NIPBL: variants seen among roughly 807,000 people sequenced by gnomAD.
NIPBL encodes the protein nipped-B-like protein.
A neutral mutation model predicts 321.8 loss-of-function variants in NIPBL; 19 were observed. That is an observed-to-expected ratio of 0.06 (90% CI 0.04 to 0.09). The LOEUF (loss-of-function observed/expected upper bound fraction) is 0.09. Ranked by LOEUF, NIPBL falls within the 10% of genes least tolerant of loss-of-function variation. NIPBL has a pLI of 1.00. For missense variants in NIPBL, 2,210 were observed against 3,327.0 expected (o/e 0.66, Z 8.26); for synonymous variants, 1,106 against 1,114.1 (o/e 0.99, Z 0.14).
At chr5:36,960,804 A>G (rs1741529920) in intron 4 of NIPBL, among the ~76,000 whole-genome samples, 2 of 152,212 alleles carry the variant, frequency 1.3e-5, no homozygotes, top group Non-Finnish European at 2.9e-5. Context: ...ATGAAATGTC[A>G]TGTGAATAAT....
chr5:36,975,692 ATTG>A, intron 8 of NIPBL, 81 bp from the exon 9 acceptor site: 1 of 1,262,594 alleles, frequency 7.9e-7, no homozygotes, highest in South Asian at 1.3e-5. Flanking sequence ...GTATTACTAT[ATTG>A]TCACTTATTA....
At chr5:36,927,857 A>G (rs1749482496) in intron 1 of NIPBL, among the ~76,000 whole-genome samples, 1 of 152,216 alleles carries the variant, frequency 6.6e-6, no homozygotes, top group Non-Finnish European at 1.5e-5. Flanking sequence ...CCAAGGGAGA[A>G]TAAAGTGGTA....
chr5:37,004,068 T>C (rs1747135703), intron 16 of NIPBL, among the ~76,000 whole-genome samples: 2 of 152,318 alleles, frequency 1.3e-5, no homozygotes, highest in Admixed American at 1.3e-4. Flanking sequence ...TATACCGTTT[T>C]TATACCTACC....
intron 32 of NIPBL, 27 bp downstream of exon 32, chr5:37,027,439 C>T (rs1464813285): frequency 1.9e-6 from 3 of 1,584,772 alleles, no homozygotes; most frequent in Non-Finnish European, 2.6e-6. Flanking sequence ...CTCCTGATAA[C>T]CTAAAATTTA....
At chr5:36,993,775 T>G (rs953112915) in intron 10 of NIPBL, among the ~76,000 whole-genome samples, 1 of 152,114 alleles carries the variant, frequency 6.6e-6, no homozygotes, top group Non-Finnish European at 1.5e-5. Flanking sequence ...AAAAAAAATT[T>G]GTATTCTTAG....
chr5:36,958,907 G>A (rs1741283526), intron 4 of NIPBL, among the ~76,000 whole-genome samples: 2 of 152,084 alleles, frequency 1.3e-5, no homozygotes, highest in Admixed American at 1.3e-4. Context: ...TTAAATAATT[G>A]TATTTAAGAA....
chr5:36,890,155 T>A (rs1376006048), intron 1 of NIPBL, among the ~76,000 whole-genome samples: 1 of 152,194 alleles, frequency 6.6e-6, no homozygotes, highest in Non-Finnish European at 1.5e-5. Flanking sequence ...TGTCAGTGGA[T>A]GAACCATAAT....
intron 1 of NIPBL, among the ~76,000 whole-genome samples, chr5:36,942,041 G>T (rs1739116764): frequency 6.6e-6 from 1 of 152,222 alleles, no homozygotes; most frequent in South Asian, 2.1e-4. Flanking sequence ...TCCATTGATA[G>T]CTTCTTTTTC....
intron 11 of NIPBL, among the ~76,000 whole-genome samples, chr5:36,998,420 T>G (rs1478416441): frequency 5.3e-5 from 8 of 152,300 alleles, no homozygotes; most frequent in East Asian, 1.9e-4. Context: ...TATAAGATTC[T>G]TCAAGCATTT....
In NIPBL at chr5:37,065,025, G is replaced by A; in HGVS notation, c.*133G>A. 1 of 1,051,862 alleles carries A rather than the reference G, an allele frequency of 9.5e-7. No homozygotes were observed. The highest frequency in any genetic ancestry group is 1.4e-6 in the Non-Finnish European group (1 of 712,182). The allele number at this position is 1,051,862 out of a possible 1,614,324, so 65.2% of individuals were successfully genotyped here. A position where few individuals can be genotyped will look rare whatever the true frequency, so the allele number is the denominator to read the frequency against. On this transcript the variant is annotated 3_prime_UTR_variant, in exon 47 of 47. Transcript: ENST00000282516. ...AACCTGGGATGCAGGAACAAAAGAA[G>A]GAAATGTTGGGCAAACATTTTTGTG...
chr5:36,912,124 T>G (rs185631661), intron 1 of NIPBL, among the ~76,000 whole-genome samples: 16 of 152,212 alleles, frequency 1.1e-4, no homozygotes, highest in Non-Finnish European at 7.4e-5. Context: ...AATCCTAAAA[T>G]CTTAGAGCAG....
intron 1 of NIPBL, among the ~76,000 whole-genome samples, chr5:36,921,179 A>G (rs1042746732): frequency 2.0e-5 from 3 of 151,948 alleles, no homozygotes; most frequent in African/African-American, 7.3e-5. Flanking sequence ...AGTGTATTAT[A>G]TGTTCTTGAA....
rs1345905316 is a variant in NIPBL, at chr5:36,976,042, G to C, written c.1135G>C (p.Gly379Arg). ...DMDQQEDMIS[G>R]VENSNVSEND... ...GGACCAGCAAGAGGATATGATTTCT[G>C]GTGTGGAAAATAGCAATGTTTCAGA... is the stretch of plus-strand genomic sequence containing the variant. The change falls in exon 9 of 47, where the codon GGT becomes CGT. Residue 379 changes from glycine (G) to arginine (R), a missense_variant. Gly to Arg is a moderately radical substitution (Grantham distance 125, BLOSUM62 -2). Around this residue, in one of 14 missense-constraint regions of NIPBL, gnomAD observed 464 missense variants for 529.5 expected, o/e 0.88. Transcript: ENST00000282516. 2 of 1,614,004 alleles carry C rather than the reference G, an allele frequency of 1.2e-6. No homozygotes were observed. The highest frequency in any genetic ancestry group is 3.3e-5 in the Admixed American group (2 of 59,982).
At chr5:36,978,296 G>T (rs1361326720) in intron 9 of NIPBL, among the ~76,000 whole-genome samples, 1 of 152,002 alleles carries the variant, frequency 6.6e-6, no homozygotes. Context: ...CATTCTGACT[G>T]GTGTAAGATT....
rs1753588284 is a variant in NIPBL at position 37,051,851 on chromosome 5, G to C, written c.7027G>C (p.Val2343Leu). ...AMRNKADQQLVEIDKKYAGFI... is the reference protein window; with the variant it reads ...AMRNKADQQLLEIDKKYAGFI... Reference sequence around the variant, plus strand: ...GCGGAACAAGGCTGATCAGCAACTTGTGGAAATAGACAAAAAATATGCTGG... The same window carrying C: ...GCGGAACAAGGCTGATCAGCAACTTCTGGAAATAGACAAAAAATATGCTGG... Residue 2343 changes from valine to leucine, a missense_variant, in exon 41 of 47, where the codon GTG becomes CTG. Physicochemically the swap from Val to Leu is conservative, Grantham distance 32. Transcript: ENST00000282516. The C allele has an allele frequency of 6.2e-7, 1 of 1,613,878 alleles. No individual in the cohort carries two copies. The highest frequency in any genetic ancestry group is 1.3e-5 in the African/African-American group (1 of 75,004).
Position 36,985,978 on chromosome 5 carries a change from C to G in NIPBL, c.2798C>G (p.Ala933Gly), listed in dbSNP as rs139833594. The part of the protein sequence containing the change: ...GNKSKVDTNK[A>G]HPDNKAEFPS... The stretch of plus-strand genomic sequence containing the variant: ...AAGAGTAAAGTAGACACTAATAAAG[C>G]ACACCCTGACAATAAGGCAGAATTT... The change falls in exon 10 of 47, where the codon GCA (alanine) becomes GGA (glycine). Residue 933 changes from alanine (A) to glycine (G), a missense_variant. Transcript: ENST00000282516. 6.2e-6 allele frequency: 10 copies of G among 1,613,784 alleles called. No homozygotes were observed. The highest frequency in any genetic ancestry group is 7.6e-6 in the Non-Finnish European group (9 of 1,179,942).
chr5:37,022,544 A>G (rs928132102), intron 29 of NIPBL, among the ~76,000 whole-genome samples, 154 bp downstream of exon 29: 2 of 152,272 alleles, frequency 1.3e-5, no homozygotes, highest in South Asian at 2.1e-4. Context: ...AAACAAGTAC[A>G]TATTTTCAAG....
At chr5:36,965,172 A>C (rs1308898631) in intron 6 of NIPBL, among the ~76,000 whole-genome samples, 2 of 152,132 alleles carry the variant, frequency 1.3e-5, no homozygotes, top group African/African-American at 4.8e-5. Context: ...CAATTCCACT[A>C]GTAGGTATGT....
chr5:36,960,730 T>C (rs1467312343), intron 4 of NIPBL, among the ~76,000 whole-genome samples: 3 of 152,200 alleles, frequency 2.0e-5, no homozygotes, highest in African/African-American at 7.2e-5. Context: ...CAGGGTGTTA[T>C]TTGTAGATTT....
Sources: allele counts gnomAD v4.1 joint callset (sites outside exome capture counted in the v4.1 genomes callset), GRCh38; gene constraint gnomAD v4.1.1; regional missense constraint gnomAD v4.1.1; transcripts MANE v1.5; gene names NCBI Gene and HGNC (gene_info 2026-07-23, HGNC 2026-07-21).